The following TP63 variants were observed in gnomAD, a reference collection of about 807,000 sequenced individuals.
TP63 encodes the protein tumor protein p63.
Under a neutral mutation model 82.8 loss-of-function variants are expected in TP63, and 17 were observed. The observed-to-expected ratio is 0.21, with a 90% CI of 0.14 to 0.31. The LOEUF is 0.31. Ranked by LOEUF, TP63 falls within the 10% of genes least tolerant of loss-of-function variation. The pLI is 1.00. For missense variants in TP63, 648 were observed against 895.3 expected (o/e 0.72, Z 3.52); for synonymous variants, 330 against 321.7 (o/e 1.03, Z -0.28).
At chr3:189,697,232 A>AATTTTTTTT (rs146092678) in intron 1 of TP63, among the ~76,000 whole-genome samples, 1 of 22,406 alleles carries the variant, frequency 4.5e-5, no homozygotes. Context: ...GTCTAGGTTC[A>AATTTTTTTT]GTTTTTTTTT....
At chr3:189,798,157 A>C (rs1239845536) in intron 3 of TP63, among the ~76,000 whole-genome samples, 1 of 152,064 alleles carries the variant, frequency 6.6e-6, no homozygotes, top group Non-Finnish European at 1.5e-5. Context: ...TTGAAGGGAT[A>C]TCTTCACCTA....
At chr3:189,869,038 G>C (rs1266924164) in intron 8 of TP63, among the ~76,000 whole-genome samples, 1 of 152,106 alleles carries the variant, frequency 6.6e-6, no homozygotes, top group Non-Finnish European at 1.5e-5. Context: ...CATTACTTAA[G>C]CCAAAGGCTA....
At chr3:189,703,514 T>C (rs1717976169) in intron 1 of TP63, among the ~76,000 whole-genome samples, 1 of 152,018 alleles carries the variant, frequency 6.6e-6, no homozygotes, top group African/African-American at 2.4e-5. Context: ...GGTCTTCCTA[T>C]TGAAAAAGAA....
intron 3 of TP63, among the ~76,000 whole-genome samples, chr3:189,751,514 G>A (rs1263229480): frequency 6.6e-6 from 1 of 152,096 alleles, no homozygotes; most frequent in African/African-American, 2.4e-5. Flanking sequence ...TCGCCATTCT[G>A]ACTGGTGTGA....
chr3:189,822,740 T>A (rs186083015), intron 4 of TP63, among the ~76,000 whole-genome samples: 2 of 152,332 alleles, frequency 1.3e-5, no homozygotes, highest in African/African-American at 4.8e-5. Context: ...GGACTCATGC[T>A]ACAAAATGAT....
chr3:189,724,921 C>A (rs1273864790), intron 1 of TP63, among the ~76,000 whole-genome samples: 1 of 152,134 alleles, frequency 6.6e-6, no homozygotes, highest in Non-Finnish European at 1.5e-5. Flanking sequence ...AAATATATAA[C>A]ACAGTCTCGG....
Position 189,708,994 on chromosome 3 carries a change from A to G in TP63, c.63-28746A>G, listed in dbSNP as rs1577280113. 4.6e-5 allele frequency among the ~76,000 whole-genome samples: 7 copies of G among 152,262 alleles called. No individual in the cohort carries two copies. In the South Asian group the frequency reaches 1.4e-3, roughly 31 times the overall value. ...AGCAATCCTCTTACATACCTAGAAT[A>G]TATTTTACTGTGGTATATCTCAGTA... On this transcript the variant is annotated intron_variant, in intron 1 of 13. Transcript: ENST00000264731.
At chr3:189,641,151 GT>G (rs1288386027) in intron 1 of TP63, among the ~76,000 whole-genome samples, 1 of 152,050 alleles carries the variant, frequency 6.6e-6, no homozygotes, top group African/African-American at 2.4e-5. Flanking sequence ...TGAGTTTGTA[GT>G]TTGAAAGCTA....
At chr3:189,694,272 A>G (rs1050088065) in intron 1 of TP63, among the ~76,000 whole-genome samples, 10 of 152,242 alleles carry the variant, frequency 6.6e-5, no homozygotes, top group Non-Finnish European at 5.9e-5. Context: ...TATCACTAAC[A>G]TCATACATTA....
chr3:189,842,464 T>C (rs191720561), intron 4 of TP63, among the ~76,000 whole-genome samples: 227 of 152,332 alleles, frequency 1.5e-3, no homozygotes, highest in Non-Finnish European at 2.4e-3. Flanking sequence ...ACTAGGTATG[T>C]CCAGTAGGGG....
chr3:189,793,253 T>C (rs1449977258), intron 3 of TP63, among the ~76,000 whole-genome samples: 1 of 152,102 alleles, frequency 6.6e-6, no homozygotes, highest in African/African-American at 2.4e-5. Context: ...AATAAATCAC[T>C]TATCCTTTAC....
intron 10 of TP63, among the ~76,000 whole-genome samples, chr3:189,875,661 T>G (rs1181804642): frequency 1.5e-5 from 2 of 134,418 alleles, no homozygotes; most frequent in Admixed American, 1.5e-4. Context: ...CTTGCTGTAG[T>G]TTGATAGTCT....
intron 10 of TP63, among the ~76,000 whole-genome samples, chr3:189,882,507 T>C (rs1577188276): frequency 6.6e-6 from 1 of 151,320 alleles, no homozygotes; most frequent in East Asian, 1.9e-4. Context: ...ACAAGGATGC[T>C]CTGCTCCGCC....
rs78392253 is a variant in TP63, at chr3:189,635,940, A to G, written c.62+4363A>G. ...GGTAAATGATGAATCCATCCATTTC[A>G]ATGAGCACACTGGCTTTTAGCCATC... is the stretch of plus-strand genomic sequence containing the variant. On this transcript the variant is annotated intron_variant, in intron 1 of 13. Coordinates refer to ENST00000264731, the MANE Select transcript of TP63 (RefSeq NM_003722.5). Among the ~76,000 whole-genome samples, 1,507 of 152,276 alleles carry G rather than the reference A, an allele frequency of 9.9e-3. 15 individuals are homozygous for G. The highest frequency in any genetic ancestry group is 0.099 in the Middle Eastern group (29 of 294).
intron 1 of TP63, among the ~76,000 whole-genome samples, chr3:189,698,834 T>C (rs1717589610): frequency 6.6e-6 from 1 of 152,152 alleles, no homozygotes; most frequent in African/African-American, 2.4e-5. Flanking sequence ...ATTTGAAAAA[T>C]TGATATTGCT....
chr3:189,597,764 A>G, the TP63 span, among the ~76,000 whole-genome samples: 4 of 152,192 alleles, frequency 2.6e-5, no homozygotes, highest in South Asian at 2.1e-4. Context: ...GTCTATACTA[A>G]AGAAAAGCAA....
chr3:189,750,540 T>C (rs1257136868), intron 3 of TP63, among the ~76,000 whole-genome samples: 3 of 152,204 alleles, frequency 2.0e-5, no homozygotes, highest in Non-Finnish European at 4.4e-5. Context: ...CATCCTAACT[T>C]GATCACTGAA....
chr3:189,620,594 T>C, the TP63 span, among the ~76,000 whole-genome samples: 1 of 151,836 alleles, frequency 6.6e-6, no homozygotes, highest in Non-Finnish European at 1.5e-5. Context: ...AGTTTCAGAT[T>C]GAAAGCCATT....
chr3:189,766,746 C>A (rs561716416), intron 3 of TP63, among the ~76,000 whole-genome samples: 14 of 152,258 alleles, frequency 9.2e-5, no homozygotes, highest in Admixed American at 3.3e-4. Flanking sequence ...CACATAAAAT[C>A]TTTTCTCTGG....
Sources: gnomAD v4.1 joint callset for allele counts (sites outside exome capture counted in the v4.1 genomes callset) on GRCh38, gnomAD v4.1.1 for gene constraint, MANE v1.5 for transcripts, NCBI Gene and HGNC (gene_info 2026-07-23, HGNC 2026-07-21) for gene names.